Variants in EPHA3 observed in about 807,000 individuals in gnomAD.
EPHA3 encodes the protein ephrin type-A receptor 3.
EPHA3 carries 42 observed loss-of-function variants against 107.1 expected under a neutral mutation model. That is an observed-to-expected ratio of 0.39 (90% CI 0.31 to 0.51). The LOEUF (loss-of-function observed/expected upper bound fraction) is 0.51, where lower values mean the gene tolerates loss of function less well. Ranked by LOEUF, EPHA3 falls within the 20% of genes least tolerant of loss-of-function variation. EPHA3 has a pLI of 0.78. For synonymous variants in EPHA3, 461 were observed against 424.8 expected, an observed-to-expected ratio of 1.09 and a Z score of -1.05; for missense variants, 1,183 against 1,211.2, an observed-to-expected ratio of 0.98 and a Z score of 0.35.
chr3:89,127,022 T>C (rs777761064), intron 1 of EPHA3, among the ~76,000 whole-genome samples, 187 bp from the exon 2 acceptor site: 2 of 151,906 alleles, frequency 1.3e-5, no homozygotes, highest in Non-Finnish European at 1.5e-5. Flanking sequence ...CAGAAACTTT[T>C]GATCTCTTAA....
At chr3:89,477,583 T>C (rs977574066) in intron 16 of EPHA3, among the ~76,000 whole-genome samples, 1 of 152,196 alleles carries the variant, frequency 6.6e-6, no homozygotes. Context: ...TCTTTCTTTA[T>C]GCTCAGTATA....
chr3:89,139,660 G>A (rs1292015729), intron 2 of EPHA3, among the ~76,000 whole-genome samples: 1 of 151,704 alleles, frequency 6.6e-6, no homozygotes, highest in South Asian at 2.1e-4. Flanking sequence ...TGGCAGAAGC[G>A]GCAGCGACTA....
At chr3:89,126,857 T>C (rs1336117256) in intron 1 of EPHA3, among the ~76,000 whole-genome samples, 1 of 151,810 alleles carries the variant, frequency 6.6e-6, no homozygotes, top group East Asian at 1.9e-4. Flanking sequence ...AATTTAATAT[T>C]TTTGAAGTTA....
At chr3:89,316,505 A>AATATATATATATATATATATATAT (rs58576798) in intron 3 of EPHA3, among the ~76,000 whole-genome samples, 13 of 104,130 alleles carry the variant, frequency 1.2e-4, no homozygotes, top group Non-Finnish European at 1.7e-4. Context: ...GTGTGTGTGT[A>AATATATATATATATATATATATAT]ATATATATAT....
rs79230363 is a variant in EPHA3, at chr3:89,364,073, C to T, written c.1306+21983C>T. Among the ~76,000 whole-genome samples the T allele has an allele frequency of 4.5e-3, 684 of 150,850 alleles. 18 individuals are homozygous for T. The highest frequency in any genetic ancestry group is 0.017 in the Middle Eastern group (5 of 294). On this transcript the variant is annotated intron_variant, in intron 5 of 16. Transcript: ENST00000336596. Reference sequence around the variant, plus strand: ...ATGTCAACATTACCCTTTTGGAGATCACCTTCTTATGTGCCTTCTGTGCAT... The same window carrying T: ...ATGTCAACATTACCCTTTTGGAGATTACCTTCTTATGTGCCTTCTGTGCAT...
intron 12 of EPHA3, among the ~76,000 whole-genome samples, chr3:89,430,189 C>T (rs558429519): frequency 2.2e-4 from 34 of 152,026 alleles, no homozygotes; most frequent in South Asian, 8.3e-4. Flanking sequence ...TCATTGCAGG[C>T]GATAAGAAAA....
chr3:89,131,711 T>G (rs1451832550), intron 2 of EPHA3, among the ~76,000 whole-genome samples: 1 of 152,018 alleles, frequency 6.6e-6, no homozygotes, highest in Non-Finnish European at 1.5e-5. Flanking sequence ...CTGAAATGAG[T>G]AATATATGTT....
intron 9 of EPHA3, among the ~76,000 whole-genome samples, chr3:89,411,263 T>C (rs1709150331): frequency 6.6e-6 from 1 of 151,728 alleles, no homozygotes; most frequent in African/African-American, 2.4e-5. Context: ...GCTACTCCAC[T>C]CAGAGTTTGT....
In EPHA3 at chr3:89,393,790, T is replaced by TAA. The variant is rs1399975184; in HGVS notation, c.1307-2042_1307-2041dup. ...AAGTAAGCAAAAATAAATTTTTTTTTAAAAAATCCACATATCCATTTATTT... is the reference window on the plus strand; with the variant it reads ...AAGTAAGCAAAAATAAATTTTTTTTTAAAAAAAATCCACATATCCATTTATTT... On this transcript the variant is annotated intron_variant, in intron 5 of 16. Transcript: ENST00000336596. Among the ~76,000 whole-genome samples the TAA allele has an allele frequency of 8.7e-3, 1,246 of 143,972 alleles. 16 individuals carry two copies. The highest frequency in any genetic ancestry group is 0.028 in the African/African-American group (1,168 of 41,020). 94.5% of individuals were successfully genotyped at this position (143,972 alleles called of 152,430 possible). A position where few individuals can be genotyped will look rare whatever the true frequency, so the allele number is the denominator to read the frequency against.
At chr3:89,254,350 C>T (rs1705228724) in intron 3 of EPHA3, among the ~76,000 whole-genome samples, 1 of 152,106 alleles carries the variant, frequency 6.6e-6, no homozygotes, top group African/African-American at 2.4e-5. Context: ...GCATTATTTC[C>T]TTCAGTGATA....
chr3:89,395,729 T>C, intron 5 of EPHA3, 108 bp from the exon 6 acceptor site: 2 of 1,343,390 alleles, frequency 1.5e-6, no homozygotes, highest in South Asian at 1.4e-5. Context: ...ACTGGAACAA[T>C]GATAGACTCC....
intron 2 of EPHA3, among the ~76,000 whole-genome samples, chr3:89,180,415 C>T (rs12490100): frequency 3.3e-5 from 5 of 151,806 alleles, no homozygotes; most frequent in Admixed American, 2.0e-4. Context: ...AAGATGAAAC[C>T]ATTCTCTTAA....
intron 13 of EPHA3, among the ~76,000 whole-genome samples, chr3:89,434,512 C>G (rs1242580268): frequency 1.3e-5 from 2 of 152,210 alleles, no homozygotes; most frequent in African/African-American, 4.8e-5. Context: ...GCCACTGTTA[C>G]CAGCCCCATA....
At chr3:89,275,574 T>G (rs1349979803) in intron 3 of EPHA3, among the ~76,000 whole-genome samples, 1 of 152,076 alleles carries the variant, frequency 6.6e-6, no homozygotes, top group Non-Finnish European at 1.5e-5. Flanking sequence ...GAAAATGCCT[T>G]TCAAAATGCA....
intron 2 of EPHA3, among the ~76,000 whole-genome samples, chr3:89,159,393 G>T (rs1302790221): frequency 6.6e-6 from 1 of 152,046 alleles, no homozygotes; most frequent in African/African-American, 2.4e-5. Context: ...GTTAGGGAGG[G>T]TACAGTAAGG....
chr3:89,208,585 AAAG>A (rs1706185234), intron 2 of EPHA3, among the ~76,000 whole-genome samples: 1 of 122,616 alleles, frequency 8.2e-6, no homozygotes, highest in African/African-American at 2.6e-5. Context: ...AGAAAGAAAG[AAAG>A]AAAGGGAAGG....
Position 89,187,527 on chromosome 3 carries a change from A to T in EPHA3, c.154-22333A>T, listed in dbSNP as rs1705597454. ...TTATTGAATAAGACAAATGCTAGTA[A>T]AGTGACTTGCACTGTTGCAAATATA... On this transcript the variant is annotated intron_variant, in intron 2 of 16. Transcript: ENST00000336596. Among the ~76,000 whole-genome samples the T allele has an allele frequency of 5.3e-5, 8 of 151,704 alleles. No homozygotes were observed. The South Asian group carries it at 1.7e-3, about 31-fold the overall frequency.
At chr3:89,280,176 A>G (rs376673424) in intron 3 of EPHA3, among the ~76,000 whole-genome samples, 2 of 152,182 alleles carry the variant, frequency 1.3e-5, no homozygotes, top group Admixed American at 1.3e-4. Flanking sequence ...TCCTGCAAAA[A>G]TAGATTTATT....
chr3:89,460,507 C>A (rs1168474385), intron 15 of EPHA3, among the ~76,000 whole-genome samples: 3 of 151,170 alleles, frequency 2.0e-5, no homozygotes, highest in Non-Finnish European at 4.4e-5. Context: ...TATTAACTTG[C>A]AGCATAGAAA....
Sources: gnomAD v4.1 joint callset for allele counts (sites outside exome capture counted in the v4.1 genomes callset) on GRCh38, gnomAD v4.1.1 for gene constraint, MANE v1.5 for transcripts, NCBI Gene and HGNC (gene_info 2026-07-23, HGNC 2026-07-21) for gene names.